The following MDM4 variants were observed in gnomAD, a reference collection of about 807,000 sequenced individuals.
MDM4 encodes protein Mdm4.
Under a neutral mutation model 60.2 loss-of-function variants are expected in MDM4, and 2 were observed. The ratio of observed to expected loss-of-function variants is 0.03; its 90% CI spans 0.01 to 0.10. The LOEUF (loss-of-function observed/expected upper bound fraction) is 0.10. Ranked by LOEUF, MDM4 falls within the 10% of genes least tolerant of loss-of-function variation. MDM4 has a pLI of 1.00. For missense variants in MDM4, 447 were observed against 577.5 expected, an observed-to-expected ratio of 0.77 and a Z score of 2.32; for synonymous variants, 202 against 198.1, an observed-to-expected ratio of 1.02 and a Z score of -0.17.
intron 10 of MDM4, among the ~76,000 whole-genome samples, 155 bp from the exon 11 acceptor site, chr1:204,548,958 T>C (rs1246169709): frequency 6.6e-6 from 1 of 152,206 alleles, no homozygotes; most frequent in Non-Finnish European, 1.5e-5. Context: ...CCAAAGACTT[T>C]CCTTCATGTG....
Position 204,526,398 on chromosome 1 carries a change from A to T in MDM4, c.117A>T (p.Ala39=), listed in dbSNP as rs2102321810. The change falls in exon 3 of 11, where the codon GCA becomes GCT. Residue 39 remains alanine, a synonymous_variant. Coordinates refer to ENST00000367182, the MANE Select transcript of MDM4 (RefSeq NM_002393.5). ...TGCCGCTTTTGAAGATTTTGCATGC[A>T]GCAGGTGCGCAAGGTGAAATGTTCA... ...PKLPLLKILH[A]AGAQGEMFTV... 1 of 1,614,066 alleles carries T rather than the reference A, an allele frequency of 6.2e-7. No individual in the cohort carries two copies. Among genetic ancestry groups the T allele is most frequent in the South Asian group, 1.1e-5 (1 of 91,086 alleles).
At chr1:204,548,172 CTG>C (rs1242124435) in intron 10 of MDM4, among the ~76,000 whole-genome samples, 2 of 152,250 alleles carry the variant, frequency 1.3e-5, no homozygotes, top group African/African-American at 4.8e-5. Flanking sequence ...GCCAATTAAA[CTG>C]TGGCACACCA....
In MDM4 at chr1:204,556,809, C is replaced by A; in HGVS notation, c.*7127C>A. 4.7e-6 allele frequency: 1 copy of A among 211,284 alleles called. No individual in the cohort carries two copies. Among genetic ancestry groups the A allele is most frequent in the Non-Finnish European group, 9.6e-6 (1 of 104,412 alleles). 13.1% of individuals were successfully genotyped at this position (211,284 alleles called of 1,614,324 possible). A position where few individuals can be genotyped will look rare whatever the true frequency, so the allele number is the denominator to read the frequency against. On this transcript the variant is annotated 3_prime_UTR_variant, in exon 11 of 11. Transcript: ENST00000367182. ...GTGTTTCTTTTGGGTTTTTTTTTCCCCCTTTTAAAATCAACAGGAAATGTT... is the reference window on the plus strand; with the variant it reads ...GTGTTTCTTTTGGGTTTTTTTTTCCACCTTTTAAAATCAACAGGAAATGTT...
At chr1:204,532,116 T>C (rs1558319518) in intron 4 of MDM4, 75 bp from the exon 5 acceptor site, 1 of 860,556 alleles carries the variant, frequency 1.2e-6, no homozygotes, top group East Asian at 2.4e-5. Flanking sequence ...ATACATTTAA[T>C]ATTTAACGGC....
At chr1:204,518,934 T>C (rs1316374665) in intron 1 of MDM4, among the ~76,000 whole-genome samples, 2 of 152,308 alleles carry the variant, frequency 1.3e-5, no homozygotes, top group South Asian at 2.1e-4. Context: ...AGTGCTGGGA[T>C]TACAGGTGTG....
intron 3 of MDM4, chr1:204,529,103 T>C (rs975781157): frequency 3.0e-6 from 4 of 1,325,892 alleles, no homozygotes; most frequent in Non-Finnish European, 4.3e-6. Flanking sequence ...TAATGGAGCC[T>C]GAGTTGTCCC....
At chr1:204,531,872 A>G (rs933323629) in intron 4 of MDM4, among the ~76,000 whole-genome samples, 3 of 152,116 alleles carry the variant, frequency 2.0e-5, no homozygotes, top group Non-Finnish European at 4.4e-5. Flanking sequence ...CTTTCCAATT[A>G]CAATGTGAAA....
intron 3 of MDM4, chr1:204,528,820 C>T (rs1294256793): frequency 5.5e-6 from 8 of 1,448,818 alleles, no homozygotes; most frequent in Non-Finnish European, 6.7e-6. Flanking sequence ...CCCTGGTGCA[C>T]TCCACTCTCC....
chr1:204,529,614 C>A, intron 3 of MDM4: 1 of 1,188,860 alleles, frequency 8.4e-7, no homozygotes, highest in East Asian at 2.6e-5. Context: ...GGGGGGGGTC[C>A]AAGGTAGTAG....
chr1:204,530,654 G>T, intron 3 of MDM4, 30 bp from the exon 4 acceptor site: 1 of 1,613,790 alleles, frequency 6.2e-7, no homozygotes, highest in Non-Finnish European at 8.5e-7. Flanking sequence ...CAGCTGGACA[G>T]ATCACAACAT....
At chr1:204,526,931 TATAAG>T (rs1215403245) in intron 3 of MDM4, among the ~76,000 whole-genome samples, 8 of 152,122 alleles carry the variant, frequency 5.3e-5, no homozygotes, top group South Asian at 2.1e-4. Flanking sequence ...TGAAGTGTGT[TATAAG>T]ATAAACATAA....
intron 7 of MDM4, among the ~76,000 whole-genome samples, chr1:204,539,769 C>T (rs866606713): frequency 7.9e-5 from 12 of 151,270 alleles, no homozygotes; most frequent in Non-Finnish European, 1.0e-4. Context: ...GTCATGACCT[C>T]GTGATCCACC....
intron 8 of MDM4, among the ~76,000 whole-genome samples, chr1:204,543,785 G>A (rs1157555264): frequency 2.0e-5 from 3 of 152,134 alleles, no homozygotes; most frequent in Non-Finnish European, 4.4e-5. Flanking sequence ...ATTCTCCATA[G>A]TACTTCTCAC....
intron 3 of MDM4, chr1:204,529,590 T>G: frequency 1.5e-6 from 2 of 1,349,168 alleles, no homozygotes; most frequent in Non-Finnish European, 2.0e-6. Context: ...GCTGCCATAC[T>G]GCCCTCCACT....
rs976255781 is a variant in MDM4 at position 204,554,785 on chromosome 1, A to G, written c.*5103A>G. The stretch of plus-strand genomic sequence containing the variant: ...GACAGAAATTTTCATTCTGCTTGCC[A>G]TTGCTATATTCTCCCTTTATAGGAG... On this transcript the variant is annotated 3_prime_UTR_variant, in exon 11 of 11. Coordinates refer to ENST00000367182, the MANE Select transcript of MDM4 (RefSeq NM_002393.5). 1 of 226,466 alleles carries G rather than the reference A, an allele frequency of 4.4e-6. No homozygotes were observed. Among genetic ancestry groups the G allele is most frequent in the Non-Finnish European group, 8.8e-6 (1 of 113,884 alleles). The allele number at this position is 226,466 out of a possible 1,614,324, so 14.0% of individuals were successfully genotyped here.
intron 1 of MDM4, among the ~76,000 whole-genome samples, chr1:204,522,727 C>G: frequency 6.6e-6 from 1 of 151,986 alleles, no homozygotes; most frequent in South Asian, 2.1e-4. Context: ...TTAAATTGTG[C>G]TTGTTTCCTA....
intron 1 of MDM4, among the ~76,000 whole-genome samples, chr1:204,521,372 C>T (rs1659551817): frequency 1.3e-5 from 2 of 152,110 alleles, no homozygotes; most frequent in African/African-American, 4.8e-5. Flanking sequence ...GCAGCTGAGG[C>T]TGGAACGTGT....
intron 10 of MDM4, among the ~76,000 whole-genome samples, chr1:204,548,214 T>A (rs577842937): frequency 3.6e-4 from 55 of 152,336 alleles, no homozygotes; most frequent in African/African-American, 1.3e-3. Context: ...CTTTATGAAG[T>A]TCCTTTGATT....
At chr1:204,525,362 G>A in intron 1 of MDM4, 122 bp from the exon 2 acceptor site, 5 of 1,410,844 alleles carry the variant, frequency 3.5e-6, no homozygotes, top group Non-Finnish European at 4.6e-6. Context: ...CAGCATTTGT[G>A]TACGGTGCTC....
Sources: gnomAD v4.1 joint callset for allele counts (sites outside exome capture counted in the v4.1 genomes callset) on GRCh38, gnomAD v4.1.1 for gene constraint, MANE v1.5 for transcripts, NCBI Gene and HGNC (gene_info 2026-07-23, HGNC 2026-07-21) for gene names.